NOS1AP: variants seen among roughly 807,000 people sequenced by gnomAD.
NOS1AP encodes nitric oxide synthase 1 adaptor protein, also known as carboxyl-terminal PDZ ligand of neuronal nitric oxide synthase protein.
NOS1AP carries 21 observed loss-of-function variants against 56.2 expected under a neutral mutation model. That is an observed-to-expected ratio of 0.37 (90% CI 0.26 to 0.54). The LOEUF (loss-of-function observed/expected upper bound fraction) is 0.54, where lower values mean the gene tolerates loss of function less well. NOS1AP is among the 20% of genes least tolerant of loss of function. The pLI is 0.84. For synonymous variants in NOS1AP, 270 were observed against 274.6 expected (o/e 0.98, Z 0.17); for missense variants, 522 against 657.8 (o/e 0.79, Z 2.26).
chr1:162,081,774 A>ATATATATTTTTTTTTTTTTTTTT lies in NOS1AP; in HGVS notation c.105+11493_105+11494insATATATTTTTTTTTTTTTTTTTT. Among the ~76,000 whole-genome samples, 94 of 43,988 alleles carry ATATATATTTTTTTTTTTTTTTTT rather than the reference A, an allele frequency of 2.1e-3. 2 individuals are homozygous for ATATATATTTTTTTTTTTTTTTTT. The highest frequency in any genetic ancestry group is 3.2e-3 in the Non-Finnish European group (70 of 21,548). 28.9% of individuals were successfully genotyped at this position (43,988 alleles called of 152,430 possible). The stretch of plus-strand genomic sequence containing the variant: ...TCTATAGATATATATATATATATAT[A>ATATATATTTTTTTTTTTTTTTTT]TTTTTTTTTTGTAGAGATGGGTTTT... On this transcript the variant is annotated intron_variant, in intron 1 of 9. Transcript: ENST00000361897.
chr1:162,283,621 C>T (rs1655001324), intron 2 of NOS1AP, among the ~76,000 whole-genome samples: 2 of 152,180 alleles, frequency 1.3e-5, no homozygotes, highest in South Asian at 2.1e-4. Context: ...CCAGCTTCCC[C>T]TTCCTGGACC....
intron 4 of NOS1AP, among the ~76,000 whole-genome samples, chr1:162,311,581 CTT>C (rs1200721394): frequency 6.8e-6 from 1 of 146,690 alleles, no homozygotes; most frequent in South Asian, 2.1e-4. Context: ...CCTTTGTTTT[CTT>C]TTTTTTTTTT....
chr1:162,146,726 T>C, intron 1 of NOS1AP, among the ~76,000 whole-genome samples: 1 of 152,248 alleles, frequency 6.6e-6, no homozygotes, highest in East Asian at 1.9e-4. Flanking sequence ...ATAGACTTTA[T>C]TTTTTAGAGA....
At chr1:162,298,333 A>G (rs12128479) in intron 3 of NOS1AP, among the ~76,000 whole-genome samples, 19,113 of 152,264 alleles carry the variant, frequency 0.13, 1,978 homozygotes, top group East Asian at 0.45. Flanking sequence ...CACTTCCACC[A>G]CTGACCTGCA....
chr1:162,367,288 C>T lies in NOS1AP; in HGVS notation c.1342C>T (p.Leu448Phe). 6.2e-7 allele frequency: 1 copy of T among 1,613,508 alleles called. No homozygotes were observed. Among genetic ancestry groups the T allele is most frequent in the Non-Finnish European group, 8.5e-7 (1 of 1,179,938 alleles). Residue 448 changes from leucine to phenylalanine, a missense_variant, in exon 10 of 10, where the codon CTC becomes TTC. Leu to Phe is a conservative substitution (Grantham distance 22). Around this residue, in one of 4 missense-constraint regions of NOS1AP, gnomAD observed 160 missense variants for 180.3 expected, o/e 0.89. Transcript: ENST00000361897. This position sits in a 1 kb window ranked among gnomAD's most constrained non-coding sequence, Gnocchi z 6.5. ...DTPPPAQGEA[L>F]LGGLELIKFR... is the part of the protein sequence containing the mutation. ...CCCGCCCCCAGCGCAGGGCGAGGCG[C>T]TCCTGGGCGGTCTGGAGCTCATCAA...
intron 8 of NOS1AP, 91 bp from the exon 9 acceptor site, chr1:162,365,313 G>C: frequency 6.3e-7 from 1 of 1,599,912 alleles, no homozygotes; most frequent in Non-Finnish European, 8.5e-7. Flanking sequence ...GGGCATCTCT[G>C]GTCCCGGCCA....
intron 2 of NOS1AP, among the ~76,000 whole-genome samples, chr1:162,240,923 C>T (rs980913616): frequency 1.2e-4 from 19 of 152,276 alleles, no homozygotes; most frequent in Admixed American, 1.1e-3. Context: ...GCCATGAGTG[C>T]ACACTGGAAG....
intron 2 of NOS1AP, among the ~76,000 whole-genome samples, chr1:162,185,873 A>G (rs1355650333): frequency 1.3e-5 from 2 of 152,208 alleles, no homozygotes; most frequent in African/African-American, 2.4e-5. Context: ...CTCTGGAATC[A>G]TATTTTAATT....
intron 2 of NOS1AP, among the ~76,000 whole-genome samples, chr1:162,218,066 A>G (rs1652640960): frequency 6.6e-6 from 1 of 152,184 alleles, no homozygotes; most frequent in Admixed American, 6.5e-5. Context: ...CTAGTAAGTG[A>G]CTGAGTTAGG....
rs775178505 is a variant in NOS1AP, at chr1:162,356,961, T to C, written c.764T>C (p.Val255Ala). ...KEGGSHTGSK[V>A]SHPQEPMLTA... ...TCCTGTCTTCTCCTTCTCCTCCAGG[T>C]TTCGCACCCCCAGGAGCCCATGCTG... Residue 255 changes from valine to alanine, a missense_variant and splice_region_variant, in exon 8 of 10, where the codon GTT becomes GCT. Val to Ala is a moderately conservative substitution (Grantham distance 64, BLOSUM62 0). Transcript: ENST00000361897. 7 of 1,614,078 alleles carry C rather than the reference T, an allele frequency of 4.3e-6. No homozygotes were observed. The highest frequency in any genetic ancestry group is 5.9e-6 in the Non-Finnish European group (7 of 1,180,050).
chr1:162,214,269 GTTCATTCA>G (rs57608978), intron 2 of NOS1AP, among the ~76,000 whole-genome samples: 12 of 150,770 alleles, frequency 8.0e-5, no homozygotes, highest in East Asian at 1.9e-4. Flanking sequence ...TCGTTCGTTC[GTTCATTCA>G]TTCATTCATT....
intron 2 of NOS1AP, among the ~76,000 whole-genome samples, chr1:162,270,502 A>G (rs755357189): frequency 1.3e-5 from 2 of 152,226 alleles, no homozygotes; most frequent in Non-Finnish European, 2.9e-5. Context: ...GCTAATTGCC[A>G]TAGCAGTATA....
At chr1:162,118,187 T>C (rs556452456) in intron 1 of NOS1AP, among the ~76,000 whole-genome samples, 33 of 152,336 alleles carry the variant, frequency 2.2e-4, no homozygotes, top group Admixed American at 5.2e-4. Context: ...GGGGTCCCAA[T>C]GAATTCCGTC....
In NOS1AP at chr1:162,332,999, C is replaced by T; in HGVS notation, c.345-18C>T. The T allele has an allele frequency of 6.3e-7, 1 of 1,577,158 alleles. No homozygotes were observed. Among genetic ancestry groups the T allele is most frequent in the Non-Finnish European group, 8.7e-7 (1 of 1,146,264 alleles). ...CTAAGGCCATTTTCAGTGCATTTTT[C>T]TGTTGTTCTTCCTTTAGGATCTTCT... On this transcript the variant is annotated intron_variant, in intron 4 of 9. Transcript: ENST00000361897.
At chr1:162,357,804 G>C (rs572737972) in intron 8 of NOS1AP, among the ~76,000 whole-genome samples, 1 of 151,882 alleles carries the variant, frequency 6.6e-6, no homozygotes, top group Non-Finnish European at 1.5e-5. Context: ...CATTATAGGG[G>C]AGGGTGAGCT....
At chr1:162,362,593 T>G (rs1421966384) in intron 8 of NOS1AP, among the ~76,000 whole-genome samples, 4 of 152,234 alleles carry the variant, frequency 2.6e-5, no homozygotes, top group African/African-American at 9.6e-5. Flanking sequence ...GCTGAAAGAC[T>G]TTGTTCCACA....
chr1:162,311,803 A>C (rs961873351), intron 4 of NOS1AP, among the ~76,000 whole-genome samples: 1 of 145,760 alleles, frequency 6.9e-6, no homozygotes, highest in Non-Finnish European at 1.5e-5. Context: ...TCATTGTTCA[A>C]TTCCCACCTA....
chr1:162,285,265 G>A (rs1655054225), intron 2 of NOS1AP, among the ~76,000 whole-genome samples: 1 of 152,172 alleles, frequency 6.6e-6, no homozygotes, highest in African/African-American at 2.4e-5. Context: ...GAAGGGAGGT[G>A]CAGCTGGAAG....
intron 2 of NOS1AP, among the ~76,000 whole-genome samples, chr1:162,250,019 A>G (rs184481714): frequency 2.0e-5 from 3 of 152,322 alleles, no homozygotes; most frequent in Admixed American, 2.0e-4. Context: ...GAACCCAGGA[A>G]TGGAGCAGTC....
Sources: gnomAD v4.1 joint callset for allele counts (sites outside exome capture counted in the v4.1 genomes callset) on GRCh38, gnomAD v4.1.1 for gene constraint, gnomAD v4.1.1 regional missense constraint, Gnocchi (gnomAD v3.1) non-coding constraint, MANE v1.5 for transcripts, NCBI Gene and HGNC (gene_info 2026-07-23, HGNC 2026-07-21) for gene names.